The following BTBD8 variants were observed in gnomAD, a reference collection of about 807,000 sequenced individuals.
The protein encoded by BTBD8 is BTB domain containing 8.
A neutral mutation model predicts 162.9 loss-of-function variants in BTBD8; 110 were observed. That is an observed-to-expected ratio of 0.68 (90% CI 0.58 to 0.79). BTBD8 has a LOEUF of 0.79. Ranked by LOEUF, BTBD8 falls within the 30% of genes least tolerant of loss-of-function variation. The pLI is 0.00. For synonymous variants in BTBD8, 667 were observed against 716.1 expected, an observed-to-expected ratio of 0.93 and a Z score of 1.10; for missense variants, 1,905 against 2,085.4, an observed-to-expected ratio of 0.91 and a Z score of 1.68.
intron 2 of BTBD8, among the ~76,000 whole-genome samples, chr1:92,100,768 C>A (rs1221037547): frequency 6.6e-6 from 1 of 152,044 alleles, no homozygotes; most frequent in Non-Finnish European, 1.5e-5. Flanking sequence ...CTGTACCACG[C>A]CCAGTTAATT....
intron 10 of BTBD8, 69 bp from the exon 11 acceptor site, chr1:92,167,779 G>A (rs1009742231): frequency 2.4e-5 from 30 of 1,255,354 alleles, no homozygotes; most frequent in South Asian, 1.3e-4. Context: ...GATCTGTTAC[G>A]CCAGACTTTC....
intron 3 of BTBD8, 22 bp downstream of exon 3, chr1:92,102,691 T>G (rs1479420390): frequency 7.0e-7 from 1 of 1,422,984 alleles, no homozygotes; most frequent in African/African-American, 1.5e-5. Context: ...TTTATGGAGT[T>G]GTATTTATAG....
chr1:92,126,352 G>A, intron 4 of BTBD8: 1 of 614,718 alleles, frequency 1.6e-6, no homozygotes, highest in Non-Finnish European at 3.1e-6. Context: ...GTTGTACATG[G>A]CCCCTTGAAG....
chr1:92,090,988 G>C (rs151297771), intron 2 of BTBD8, among the ~76,000 whole-genome samples: 1 of 152,266 alleles, frequency 6.6e-6, no homozygotes, highest in African/African-American at 2.4e-5. Context: ...TTTTGTCACT[G>C]TGCTTCTGGT....
chr1:92,165,720 GGGGGCT>G (rs1286647977), intron 9 of BTBD8, among the ~76,000 whole-genome samples: 6 of 152,088 alleles, frequency 3.9e-5, no homozygotes, highest in Non-Finnish European at 7.4e-5. Context: ...GGCTGAGCTG[GGGGGCT>G]GGTCTTCCCT....
rs1649767948 is a variant in BTBD8, at chr1:92,141,161, G to T, written c.880G>T (p.Glu294Ter). 2 of 1,583,002 alleles carry T rather than the reference G, an allele frequency of 1.3e-6. No individual in the cohort carries two copies. The highest frequency in any genetic ancestry group is 1.1e-5 in the South Asian group (1 of 88,200). Residue 294 changes from glutamate to a stop codon, truncating the protein, a stop_gained, in exon 7 of 18, where the codon GAA becomes TAA. Coordinates refer to ENST00000636805, the MANE Select transcript of BTBD8 (RefSeq NM_001376131.1). LOFTEE classifies it high-confidence loss of function. ...ADMYGLEGLK[E>*]VAIYILRRDY... ...TATGTATGGACTAGAAGGATTAAAA[G>T]AAGTAGCAATCTATATTTTAAGAAG...
chr1:92,178,421 A>G lies in BTBD8; in HGVS notation c.2551A>G (p.Ser851Gly). Reference protein sequence around the residue: ...GCTAAQQRTKSTPSNLTKTQG... With the variant: ...GCTAAQQRTKGTPSNLTKTQG... ...TACTGCAGCTCAGCAGAGGACAAAG[A>G]GTACCCCATCTAATCTTACTAAAAC... is the stretch of plus-strand genomic sequence containing the variant. The change falls in exon 16 of 18, where the codon AGT becomes GGT. Residue 851 changes from serine (S) to glycine (G), a missense_variant. Ser to Gly is a moderately conservative substitution (Grantham distance 56). Around this residue, in one of 3 missense-constraint regions of BTBD8, gnomAD observed 1,374 missense variants for 1,442.7 expected, o/e 0.95. Coordinates refer to ENST00000636805, the MANE Select transcript of BTBD8 (RefSeq NM_001376131.1). 6.4e-7 allele frequency: 1 copy of G among 1,550,910 alleles called. No homozygotes were observed. Among genetic ancestry groups the G allele is most frequent in the Non-Finnish European group, 8.7e-7 (1 of 1,146,640 alleles).
intron 13 of BTBD8, among the ~76,000 whole-genome samples, chr1:92,173,389 C>T (rs899506913): frequency 5.9e-5 from 9 of 152,174 alleles, no homozygotes; most frequent in Non-Finnish European, 1.0e-4. Context: ...TATACGATTC[C>T]ACAGAACATA....
rs547890204 is a variant in BTBD8, at chr1:92,098,583, T to C, written c.348-3890T>C. Reference sequence around the variant, plus strand: ...CCATATTCTCAACATGTTATCTGTTTTTTTTTAAAATTATACCTATCCTAG... The same window carrying C: ...CCATATTCTCAACATGTTATCTGTTCTTTTTTAAAATTATACCTATCCTAG... On this transcript the variant is annotated intron_variant, in intron 2 of 17. Transcript: ENST00000636805. Among the ~76,000 whole-genome samples the C allele has an allele frequency of 7.7e-4, 117 of 152,296 alleles. 1 individual carries two copies. Among genetic ancestry groups the C allele is most frequent in the African/African-American group, 2.7e-3 (113 of 41,578 alleles).
At chr1:92,167,233 TA>T (rs1486731983) in intron 10 of BTBD8, 93 bp downstream of exon 10, 1 of 1,411,848 alleles carries the variant, frequency 7.1e-7, no homozygotes, top group African/African-American at 1.4e-5. Flanking sequence ...TGCTTTTGAT[TA>T]AATTAATGTG....
rs374691595 is a variant in BTBD8, at chr1:92,176,955, G to A, written c.1762G>A (p.Gly588Arg). 2 of 1,546,246 alleles carry A rather than the reference G, an allele frequency of 1.3e-6. No homozygotes were observed. The highest frequency in any genetic ancestry group is 1.7e-6 in the Non-Finnish European group (2 of 1,143,928). Residue 588 changes from glycine (G) to arginine (R), a missense_variant, in exon 14 of 18, where the codon GGA (glycine) becomes AGA (arginine). Physicochemically the swap from Gly to Arg is moderately radical, Grantham distance 125. Transcript: ENST00000636805. The part of the protein sequence containing the change: ...KMKSDGLGAS[G>R]HSSSTNRNSI... ...GAAATCTGATGGATTAGGAGCATCT[G>A]GACATTCGTCAAGTACCAATAGAAA...
intron 4 of BTBD8, 109 bp from the exon 5 acceptor site, chr1:92,129,578 C>A: frequency 1.2e-6 from 1 of 841,824 alleles, no homozygotes; most frequent in Non-Finnish European, 1.9e-6. Context: ...ACAAACAAAA[C>A]AAATAGATTA....
Position 92,168,964 on chromosome 1 carries a change from G to A in BTBD8, c.1542G>A (p.Met514Ile), listed in dbSNP as rs1288483726. The change falls in exon 12 of 18, where the codon ATG becomes ATA. Residue 514 changes from methionine (M) to isoleucine (I), a missense_variant. Around this residue, in one of 3 missense-constraint regions of BTBD8, gnomAD observed 1,374 missense variants for 1,442.7 expected, o/e 0.95. Transcript: ENST00000636805. The part of the protein sequence containing the change: ...AVRHTESWKL[M>I]STDDQQKIQA... ...GTCACACAGAAAGCTGGAAGCTGATGAGCACAGATGATCAACAGAAAATCC... is the reference window on the plus strand; with the variant it reads ...GTCACACAGAAAGCTGGAAGCTGATAAGCACAGATGATCAACAGAAAATCC... The A allele has an allele frequency of 6.5e-7, 1 of 1,537,546 alleles. No homozygotes were observed. Among genetic ancestry groups the A allele is most frequent in the South Asian group, 1.2e-5 (1 of 82,354 alleles).
intron 4 of BTBD8, among the ~76,000 whole-genome samples, chr1:92,122,868 G>A (rs891280014): frequency 6.6e-5 from 10 of 152,124 alleles, no homozygotes; most frequent in Admixed American, 2.0e-4. Context: ...CCCGGCCAGG[G>A]ATGTCATTTT....
chr1:92,169,991 T>C (rs148115143), intron 12 of BTBD8, among the ~76,000 whole-genome samples: 1 of 152,276 alleles, frequency 6.6e-6, no homozygotes, highest in East Asian at 1.9e-4. Flanking sequence ...TAAATGATGG[T>C]TTATTTTTAC....
At chr1:92,152,369 A>G (rs1650065338) in intron 9 of BTBD8, among the ~76,000 whole-genome samples, 1 of 152,184 alleles carries the variant, frequency 6.6e-6, no homozygotes, top group African/African-American at 2.4e-5. Flanking sequence ...TGTATTGTCA[A>G]ATAGGTAGGT....
At chr1:92,143,527 T>C (rs1043673010) in intron 7 of BTBD8, among the ~76,000 whole-genome samples, 4 of 152,220 alleles carry the variant, frequency 2.6e-5, no homozygotes, top group Admixed American at 1.3e-4. Flanking sequence ...ATTTATTTAT[T>C]GAGACAGAGT....
At chr1:92,106,728 T>C (rs1184945467) in intron 3 of BTBD8, among the ~76,000 whole-genome samples, 2 of 120,606 alleles carry the variant, frequency 1.7e-5, no homozygotes, top group African/African-American at 6.4e-5. Context: ...ACCAAACTGA[T>C]CAAAATTAAT....
chr1:92,150,065 C>T (rs528285312), intron 9 of BTBD8, among the ~76,000 whole-genome samples: 2 of 152,314 alleles, frequency 1.3e-5, no homozygotes, highest in South Asian at 4.1e-4. Context: ...TAACAAATTT[C>T]TTTATACAAT....
Sources: gnomAD v4.1 joint callset for allele counts (sites outside exome capture counted in the v4.1 genomes callset) on GRCh38, gnomAD v4.1.1 for gene constraint, gnomAD v4.1.1 regional missense constraint, MANE v1.5 for transcripts, NCBI Gene and HGNC (gene_info 2026-07-23, HGNC 2026-07-21) for gene names.